Variants in TAF6 observed in about 807,000 individuals in gnomAD.
The protein encoded by TAF6 is TATA-box binding protein associated factor 6.
In TAF6, 50 loss-of-function variants were observed where a neutral mutation model predicts 73.5. That is an observed-to-expected ratio of 0.68 (90% CI 0.54 to 0.86). The LOEUF (loss-of-function observed/expected upper bound fraction) is 0.86. Ranked by LOEUF, TAF6 falls within the 40% of genes least tolerant of loss-of-function variation. The pLI is 0.00. For missense variants in TAF6, 768 were observed against 899.5 expected, an observed-to-expected ratio of 0.85 and a Z score of 1.87; for synonymous variants, 424 against 376.7, an observed-to-expected ratio of 1.13 and a Z score of -1.45.
chr7:100,125,087 G>A, the TAF6 span: 3 of 579,358 alleles, frequency 5.2e-6, no homozygotes, highest in Non-Finnish European at 8.9e-6. Context: ...TGGGGGTGGA[G>A]GTCCTGCTCC....
At chr7:100,113,558 T>C (rs775098217) in intron 4 of TAF6, 58 bp downstream of exon 4, 2 of 1,595,586 alleles carry the variant, frequency 1.3e-6, no homozygotes, top group Non-Finnish European at 1.7e-6. Flanking sequence ...TCCTCACACC[T>C]ACACACATCT....
chr7:100,107,722 T>G, intron 14 of TAF6, 99 bp from the exon 15 acceptor site: 1 of 1,508,172 alleles, frequency 6.6e-7, no homozygotes, highest in African/African-American at 1.4e-5. Flanking sequence ...GAACAAGTTG[T>G]TCCTGTAGTT....
intron 14 of TAF6, 138 bp downstream of exon 14, chr7:100,107,788 T>C: frequency 7.3e-7 from 1 of 1,377,102 alleles, no homozygotes; most frequent in Non-Finnish European, 9.7e-7. Context: ...GCTACAGCCC[T>C]GCAGGACCCT....
chr7:100,113,708 C>T lies in TAF6; in HGVS notation c.305G>A (p.Arg102Gln), dbSNP rs746321475. The T allele has an allele frequency of 2.0e-5, 32 of 1,613,904 alleles. No homozygotes were observed. The highest frequency in any genetic ancestry group is 3.3e-5 in the Admixed American group (2 of 59,990). Residue 102 changes from arginine to glutamine, a missense_variant, in exon 4 of 15, where the codon CGG (arginine) becomes CAG (glutamine). Physicochemically the swap from Arg to Gln is conservative, Grantham distance 43. Transcript: ENST00000453269. ...IPFRFASGGG[R>Q]ELYFYEEKEV... ...CTTCTCCTCATAGAAGTAAAGCTCCCGGCCCCCACCAGAGGCGAAGCGGAA... is the reference window on the plus strand; with the variant it reads ...CTTCTCCTCATAGAAGTAAAGCTCCTGGCCCCCACCAGAGGCGAAGCGGAA...
Position 100,112,221 on chromosome 7 carries a change from C to T in TAF6, c.607G>A (p.Gly203Arg), listed in dbSNP as rs1275557675. Reference protein sequence around the residue: ...KEKKAPPLLEGAPLRLKPRSI... With the variant: ...KEKKAPPLLERAPLRLKPRSI... The stretch of plus-strand genomic sequence containing the variant: ...CGGGGCTTCAGTCGCAAGGGGGCCC[C>T]CTCCAGCAAGGGCGGCGCCTTCTTC... The change falls in exon 7 of 15, where the codon GGG becomes AGG. Residue 203 changes from glycine (G) to arginine (R), a missense_variant. Physicochemically the swap from Gly to Arg is moderately radical, Grantham distance 125. Coordinates refer to ENST00000453269, the MANE Select transcript of TAF6 (RefSeq NM_139315.3). 6.2e-7 allele frequency: 1 copy of T among 1,614,130 alleles called. No homozygotes were observed. Among genetic ancestry groups the T allele is most frequent in the Middle Eastern group, 1.7e-4 (1 of 6,052 alleles).
intron 12 of TAF6, 138 bp downstream of exon 12, chr7:100,109,810 G>A: frequency 7.5e-7 from 1 of 1,335,788 alleles, no homozygotes; most frequent in Non-Finnish European, 1.0e-6. Context: ...CTTTCCATCT[G>A]TAAAATAGTA....
At chr7:100,119,418 A>G, upstream of TAF6, 1 of 1,184,198 alleles carries the variant, frequency 8.4e-7, no homozygotes. Flanking sequence ...TCCCCGTACC[A>G]GAATAAGTCC....
chr7:100,112,064 G>A (rs745424280), intron 7 of TAF6, 44 bp downstream of exon 7: 1 of 1,613,714 alleles, frequency 6.2e-7, no homozygotes, highest in Non-Finnish European at 8.5e-7. Context: ...AGGGCCCCCA[G>A]GAGGAGGCGT....
At chr7:100,127,121 G>A in the TAF6 span, 19 of 496,470 alleles carry the variant, frequency 3.8e-5, no homozygotes, top group African/African-American at 2.4e-4. This position sits in a 1 kb window ranked among gnomAD's most constrained non-coding sequence, Gnocchi z 4.6. Context: ...TTTGGAGGGT[G>A]ACGGGCAAGG....
At chr7:100,109,923 G>A in intron 12 of TAF6, 25 bp downstream of exon 12, 2 of 1,613,118 alleles carry the variant, frequency 1.2e-6, no homozygotes, top group South Asian at 1.1e-5. Context: ...CAGTGGGCAG[G>A]TGTGGGGACA....
chr7:100,121,088 TTTTATATA>T (rs1176554744), upstream of TAF6: 3 of 41,470 alleles, frequency 7.2e-5, no homozygotes, highest in South Asian at 7.9e-4. Flanking sequence ...ATTGTATTAA[TTTTATATA>T]TATATATATA....
rs138109632 is a variant in TAF6 at position 100,112,704 on chromosome 7, G to C, written c.574+94C>G. On this transcript the variant is annotated intron_variant, in intron 6 of 14. Transcript: ENST00000453269. ...CACTCCAGCCTGGGTGACAGAGTGA[G>C]ACTCTGTCTCAAAAACAAAAAAAAA... is the stretch of plus-strand genomic sequence containing the variant. 7.3e-3 allele frequency: 10,703 copies of C among 1,457,256 alleles called. 46 individuals carry two copies. Among genetic ancestry groups the C allele is most frequent in the Non-Finnish European group, 8.9e-3 (9,674 of 1,089,408 alleles). 90.3% of individuals were successfully genotyped at this position (1,457,256 alleles called of 1,614,324 possible).
rs1007426583 is a variant in TAF6, at chr7:100,110,215, A to G, written c.1143T>C (p.Ala381=). The G allele has an allele frequency of 3.7e-6, 6 of 1,613,994 alleles. No individual in the cohort carries two copies. Among genetic ancestry groups the G allele is most frequent in the Non-Finnish European group, 4.2e-6 (5 of 1,180,002 alleles). The change falls in exon 11 of 15, where the codon GCT becomes GCC. Residue 381 remains alanine (A), a synonymous_variant. Transcript: ENST00000453269. ...GAGGCCTAACATCGTGTCCCAGCTC[A>G]GCCAAGCCTGCGATGGAGCCATAAC... ...TTRYGSIAGL[A]ELGHDVIKTL...
At chr7:100,123,168 C>G (rs1462262600), upstream of TAF6, among the ~76,000 whole-genome samples, 3 of 152,004 alleles carry the variant, frequency 2.0e-5, no homozygotes, top group South Asian at 6.2e-4. Context: ...AAGGCAAAAC[C>G]CCGTCTTTAA....
At chr7:100,113,838 A>ACCCCCCCCCGCCTGTCTC in intron 3 of TAF6, 30 bp downstream of exon 3, 1 of 1,490,340 alleles carries the variant, frequency 6.7e-7, no homozygotes, top group Non-Finnish European at 9.2e-7. Context: ...ATGGCGTCTC[A>ACCCCCCCCCGCCTGTCTC]CCCCCCCCCC....
rs768178481 is a variant in TAF6, at chr7:100,110,019, T to C, written c.1213A>G (p.Ser405Gly). The change falls in exon 12 of 15, where the codon AGT becomes GGT. Residue 405 changes from serine to glycine, a missense_variant. Ser to Gly is a moderately conservative substitution (Grantham distance 56, BLOSUM62 0). Coordinates refer to ENST00000453269, the MANE Select transcript of TAF6 (RefSeq NM_139315.3). The part of the protein sequence containing the change: ...RLQQEGERIR[S>G]VLDGPVLSNI... Reference sequence around the variant, plus strand: ...CTCAGCACAGGGCCGTCCAGCACACTGCGGATCCGCTCCCCTTCCTGCTGC... The same window carrying C: ...CTCAGCACAGGGCCGTCCAGCACACCGCGGATCCGCTCCCCTTCCTGCTGC... 4 of 1,614,158 alleles carry C rather than the reference T, an allele frequency of 2.5e-6. No homozygotes were observed. Among genetic ancestry groups the C allele is most frequent in the Non-Finnish European group, 3.4e-6 (4 of 1,180,020 alleles).
At position 100,116,304 on chromosome 7, in the gene TAF6, T is replaced by A. The variant is rs1797666304; in HGVS notation, c.-59-2036A>T. On this transcript the variant is annotated intron_variant, in intron 1 of 14. Transcript: ENST00000453269. ...TGGGAGGGTGAGGTGGGAAGACTGC[T>A]TGGGCTTAGGAATTCCTGACCACCC... Among the ~76,000 whole-genome samples the A allele has an allele frequency of 2.0e-5, 3 of 152,056 alleles. No individual in the cohort carries two copies. In the South Asian group the frequency reaches 6.2e-4, roughly 31 times the overall value.
At chr7:100,126,037 T>C in the TAF6 span, among the ~76,000 whole-genome samples, 3 of 152,088 alleles carry the variant, frequency 2.0e-5, no homozygotes, top group African/African-American at 2.4e-5. Context: ...ATACAAAAAA[T>C]TAGCCGGGTG....
At chr7:100,122,049 GAAAAAAA>G (rs111511573), upstream of TAF6, 10 of 313,820 alleles carry the variant, frequency 3.2e-5, no homozygotes, top group South Asian at 2.8e-4. Flanking sequence ...GAGTCCGTCT[GAAAAAAA>G]AAAAAAAAAA....
Sources: allele counts gnomAD v4.1 joint callset (sites outside exome capture counted in the v4.1 genomes callset), GRCh38; gene constraint gnomAD v4.1.1; non-coding constraint Gnocchi (gnomAD v3.1); transcripts MANE v1.5; gene names NCBI Gene and HGNC (gene_info 2026-07-23, HGNC 2026-07-21).